The following PPFIBP1 variants were observed in gnomAD, a reference collection of about 807,000 sequenced individuals.
The protein encoded by PPFIBP1 is liprin-beta-1.
A neutral mutation model predicts 137.8 loss-of-function variants in PPFIBP1; 112 were observed. The observed-to-expected ratio is 0.81, with a 90% CI of 0.70 to 0.95. The LOEUF (loss-of-function observed/expected upper bound fraction) is 0.95, where lower values mean the gene tolerates loss of function less well. PPFIBP1 is among the 40% of genes least tolerant of loss of function. The pLI is 0.00. For synonymous variants in PPFIBP1, 378 were observed against 417.3 expected (o/e 0.91, Z 1.15); for missense variants, 1,083 against 1,196.6 (o/e 0.91, Z 1.40).
intron 4 of PPFIBP1, among the ~76,000 whole-genome samples, chr12:27,645,153 C>T (rs1460558352): frequency 1.3e-5 from 2 of 152,114 alleles, no homozygotes; most frequent in East Asian, 1.9e-4. Flanking sequence ...CTAACACTTT[C>T]GGATTTCAGC....
At chr12:27,627,364 A>G (rs1270159935) in intron 2 of PPFIBP1, among the ~76,000 whole-genome samples, 1 of 152,244 alleles carries the variant, frequency 6.6e-6, no homozygotes, top group African/African-American at 2.4e-5. Flanking sequence ...TTCTATTTTC[A>G]TAATGACCAC....
At chr12:27,677,371 G>A in intron 19 of PPFIBP1, 1 of 520,642 alleles carries the variant, frequency 1.9e-6, no homozygotes, top group East Asian at 3.0e-5. Context: ...AGAGTGCAGG[G>A]CAGGAATGTC....
chr12:27,564,142 A>AT (rs1222985034), intron 1 of PPFIBP1, among the ~76,000 whole-genome samples: 1 of 152,204 alleles, frequency 6.6e-6, no homozygotes, highest in African/African-American at 2.4e-5. Context: ...AAGTGCTGGG[A>AT]TTACAGGCGT....
At chr12:27,540,870 G>A (rs1361103421) in intron 1 of PPFIBP1, among the ~76,000 whole-genome samples, 2 of 152,134 alleles carry the variant, frequency 1.3e-5, no homozygotes, top group African/African-American at 2.4e-5. Flanking sequence ...TTGGGAATTA[G>A]TATTTTTCTC....
chr12:27,681,572 G>A lies in PPFIBP1; in HGVS notation c.1922G>A (p.Trp641Ter). ...GACTTGGATATGCCATTTGCCAAGT[G>A]GACCAAGGAGCAGGTTTGCAATTGG... Reference protein sequence around the residue: ...NSDLDMPFAKWTKEQVCNWLM... With the variant: ...NSDLDMPFAK The change falls in exon 22 of 30, where the codon TGG becomes TAG. Residue 641 changes from tryptophan to a stop codon, truncating the protein, a stop_gained. Transcript: ENST00000228425. LOFTEE classifies it high-confidence loss of function. The A allele has an allele frequency of 6.2e-7, 1 of 1,614,108 alleles. No individual in the cohort carries two copies. The highest frequency in any genetic ancestry group is 8.5e-7 in the Non-Finnish European group (1 of 1,179,992).
At chr12:27,537,696 A>C (rs1220590086) in intron 1 of PPFIBP1, among the ~76,000 whole-genome samples, 2 of 151,974 alleles carry the variant, frequency 1.3e-5, no homozygotes, top group African/African-American at 4.8e-5. Flanking sequence ...AGATTTTAAA[A>C]AGAGGTCTGG....
intron 1 of PPFIBP1, among the ~76,000 whole-genome samples, chr12:27,571,283 A>G (rs951900946): frequency 2.0e-5 from 3 of 152,190 alleles, no homozygotes; most frequent in Admixed American, 2.0e-4. Flanking sequence ...GTATATATTC[A>G]TCGTTGCTCA....
intron 5 of PPFIBP1, among the ~76,000 whole-genome samples, chr12:27,647,385 AC>A (rs199686851): frequency 0.018 from 2,716 of 152,310 alleles, 75 homozygotes; most frequent in African/African-American, 0.062. Flanking sequence ...TCAAACATTA[AC>A]TTTGTTTCCT....
chr12:27,645,306 C>G (rs1186851341), intron 4 of PPFIBP1, among the ~76,000 whole-genome samples: 6 of 152,178 alleles, frequency 3.9e-5, no homozygotes, highest in African/African-American at 1.4e-4. Context: ...GTTTTCTGTT[C>G]TTTGTGAGCC....
chr12:27,537,605 C>A (rs1347867897), intron 1 of PPFIBP1, among the ~76,000 whole-genome samples: 1 of 152,030 alleles, frequency 6.6e-6, no homozygotes, highest in East Asian at 1.9e-4. Context: ...GTTGGTTTGG[C>A]CTGCGTGTTA....
At chr12:27,652,953 C>A (rs1309651766) in intron 7 of PPFIBP1, among the ~76,000 whole-genome samples, 2 of 151,994 alleles carry the variant, frequency 1.3e-5, no homozygotes, top group African/African-American at 2.4e-5. Flanking sequence ...CAGTTCATGA[C>A]CTAATTCATA....
At position 27,682,502 on chromosome 12, in the gene PPFIBP1, A is replaced by G. The variant is rs760682815; in HGVS notation, c.2158+4A>G. On this transcript the variant is annotated splice_donor_region_variant and intron_variant, in intron 23 of 29. Coordinates refer to ENST00000228425, the MANE Select transcript of PPFIBP1 (RefSeq NM_003622.4). ...CTGGATTTCAACTGGGTCACTAGTAAGAAGTTTTTATTCTAACAAAATGAA... is the reference window on the plus strand; with the variant it reads ...CTGGATTTCAACTGGGTCACTAGTAGGAAGTTTTTATTCTAACAAAATGAA... 1 of 1,610,374 alleles carries G rather than the reference A, an allele frequency of 6.2e-7. No homozygotes were observed. The highest frequency in any genetic ancestry group is 1.1e-5 in the South Asian group (1 of 90,780).
chr12:27,693,054 A>G lies in PPFIBP1; in HGVS notation c.*172A>G. ...GTAATGTGCCGATTCTGAAGTTGCC[A>G]CAAAAAATAAGACACTGGTGAATGA... is the stretch of plus-strand genomic sequence containing the variant. On this transcript the variant is annotated 3_prime_UTR_variant, in exon 30 of 30. Transcript: ENST00000228425. 9.7e-7 allele frequency: 1 copy of G among 1,029,502 alleles called. No homozygotes were observed. The highest frequency in any genetic ancestry group is 1.3e-6 in the Non-Finnish European group (1 of 751,850). 63.8% of individuals were successfully genotyped at this position (1,029,502 alleles called of 1,614,324 possible). A position where few individuals can be genotyped will look rare whatever the true frequency, so the allele number is the denominator to read the frequency against.
At chr12:27,557,069 T>G (rs1042163529) in intron 1 of PPFIBP1, among the ~76,000 whole-genome samples, 11 of 152,134 alleles carry the variant, frequency 7.2e-5, no homozygotes, top group Non-Finnish European at 1.3e-4. Context: ...TTGAAAATCC[T>G]TCATGACTGG....
chr12:27,598,836 C>A (rs749581372), intron 2 of PPFIBP1, among the ~76,000 whole-genome samples: 1 of 151,998 alleles, frequency 6.6e-6, no homozygotes, highest in Non-Finnish European at 1.5e-5. Context: ...TTTCTTAGGG[C>A]CTTAATTAGA....
At chr12:27,594,174 A>ATTTTT (rs35066032) in intron 2 of PPFIBP1, 2 of 139,788 alleles carry the variant, frequency 1.4e-5, no homozygotes, top group Non-Finnish European at 2.7e-5. Context: ...CCCCTTTTCT[A>ATTTTT]TTTTTTTTTT....
intron 2 of PPFIBP1, among the ~76,000 whole-genome samples, chr12:27,579,351 T>C (rs557028127): frequency 6.6e-6 from 1 of 152,310 alleles, no homozygotes; most frequent in African/African-American, 2.4e-5. Context: ...ATTAAGTGGA[T>C]AGCTTGAGGG....
chr12:27,647,950 T>C (rs2288221), intron 6 of PPFIBP1, 108 bp downstream of exon 6: 936,193 of 1,367,474 alleles, frequency 0.68, 322,261 homozygotes, highest in East Asian at 0.85. Flanking sequence ...TCTTGATTCA[T>C]TTAGACCAGC....
intron 1 of PPFIBP1, among the ~76,000 whole-genome samples, chr12:27,559,552 C>T (rs1036019971): frequency 6.6e-6 from 1 of 152,140 alleles, no homozygotes; most frequent in African/African-American, 2.4e-5. Context: ...TCGCTTAATT[C>T]TTTATTTACA....
Sources: gnomAD v4.1 joint callset for allele counts (sites outside exome capture counted in the v4.1 genomes callset) on GRCh38, gnomAD v4.1.1 for gene constraint, MANE v1.5 for transcripts, NCBI Gene and HGNC (gene_info 2026-07-23, HGNC 2026-07-21) for gene names.